OCA2: variants seen among roughly 807,000 people sequenced by gnomAD.
The protein encoded by OCA2 is P protein.
A neutral mutation model predicts 100.2 loss-of-function variants in OCA2; 77 were observed. The ratio of observed to expected loss-of-function variants is 0.77; its 90% CI spans 0.64 to 0.93. The LOEUF (loss-of-function observed/expected upper bound fraction) is 0.93, where lower values mean the gene tolerates loss of function less well. OCA2 is among the 40% of genes least tolerant of loss of function. The pLI is 0.00. For synonymous variants in OCA2, 432 were observed against 439.2 expected, an observed-to-expected ratio of 0.98 and a Z score of 0.21; for missense variants, 1,062 against 1,089.1, an observed-to-expected ratio of 0.98 and a Z score of 0.35.
rs746969709 is a variant in OCA2, at chr15:27,957,609, C to T, written c.1763G>A (p.Arg588Gln). Residue 588 changes from arginine (R) to glutamine (Q), a missense_variant, in exon 16 of 24, where the codon CGG becomes CAG. Coordinates refer to ENST00000354638, the MANE Select transcript of OCA2 (RefSeq NM_000275.3). This position sits in a 1 kb window ranked among gnomAD's most constrained non-coding sequence, Gnocchi z 4.3. ...GTACCTGTGGAAGGTGTGCAGCCTC[C>T]GGGCGAGCAGGTGCTCCAGTGCCAG... ...KVLALEHLLA[R>Q]RLHTFHRQIS... 2.3e-5 allele frequency: 37 copies of T among 1,612,732 alleles called. No homozygotes were observed. The highest frequency in any genetic ancestry group is 3.3e-5 in the Admixed American group (2 of 60,022).
At chr15:27,802,803 A>G (rs74005210) in intron 23 of OCA2, among the ~76,000 whole-genome samples, 4,256 of 152,302 alleles carry the variant, frequency 0.028, 83 homozygotes, top group African/African-American at 0.054. Context: ...TGTAAAACCT[A>G]GAACTCTAAA....
intron 23 of OCA2, among the ~76,000 whole-genome samples, chr15:27,795,438 C>T (rs912186558): frequency 1.3e-5 from 2 of 151,970 alleles, no homozygotes; most frequent in African/African-American, 2.4e-5. Flanking sequence ...GTTTCTCCAC[C>T]CACAAGCTCA....
At chr15:27,778,961 G>C (rs1293396099) in intron 23 of OCA2, among the ~76,000 whole-genome samples, 1 of 152,204 alleles carries the variant, frequency 6.6e-6, no homozygotes, top group Non-Finnish European at 1.5e-5. Context: ...ACCTGGATAT[G>C]GTTAGATAGC....
intron 23 of OCA2, among the ~76,000 whole-genome samples, chr15:27,804,145 GA>G (rs1300228852): frequency 5.3e-5 from 8 of 152,260 alleles, no homozygotes; most frequent in Non-Finnish European, 8.8e-5. Flanking sequence ...AGTAAAGTGA[GA>G]AAAACCACAC....
chr15:27,962,474 G>A (rs2040438655), intron 15 of OCA2, among the ~76,000 whole-genome samples: 1 of 152,242 alleles, frequency 6.6e-6, no homozygotes, highest in Admixed American at 6.5e-5. Flanking sequence ...GACACAGGAG[G>A]TGATGGCTTC....
intron 23 of OCA2, among the ~76,000 whole-genome samples, chr15:27,782,064 C>A (rs1473536291): frequency 6.6e-6 from 1 of 152,136 alleles, no homozygotes; most frequent in African/African-American, 2.4e-5. Flanking sequence ...GAAAATGAAC[C>A]CAATCCTTCT....
chr15:27,915,082 C>T (rs141518604), intron 19 of OCA2, among the ~76,000 whole-genome samples: 56 of 152,134 alleles, frequency 3.7e-4, no homozygotes, highest in African/African-American at 1.3e-3. Context: ...AGATCTTTGA[C>T]AAAATCAACA....
intron 23 of OCA2, among the ~76,000 whole-genome samples, chr15:27,756,571 G>C (rs1485384991): frequency 6.6e-6 from 1 of 152,152 alleles, no homozygotes; most frequent in Non-Finnish European, 1.5e-5. Flanking sequence ...GAAAATAGCT[G>C]AACATGTTTG....
At chr15:28,009,684 T>TCACACA (rs747425942) in intron 9 of OCA2, among the ~76,000 whole-genome samples, 6,163 of 137,954 alleles carry the variant, frequency 0.045, 165 homozygotes, top group Middle Eastern at 0.12. Flanking sequence ...CGAGATTCTG[T>TCACACA]CACACACACA....
At position 28,008,480 on chromosome 15, in the gene OCA2, T is replaced by C. The variant is rs1319204606; in HGVS notation, c.1044+6296A>G. Among the ~76,000 whole-genome samples, 5 of 152,222 alleles carry C rather than the reference T, an allele frequency of 3.3e-5. No homozygotes were observed. In the East Asian group the frequency reaches 5.8e-4, roughly 18 times the overall value. On this transcript the variant is annotated intron_variant, in intron 9 of 23. Coordinates refer to ENST00000354638, the MANE Select transcript of OCA2 (RefSeq NM_000275.3). ...ACTTCCTCCTTCCTTTGTTGTCCTC[T>C]GCCTTTGCCTCTTTTAAAAAGTTCT...
chr15:27,917,504 G>A (rs1042801218), intron 19 of OCA2, among the ~76,000 whole-genome samples: 3 of 152,246 alleles, frequency 2.0e-5, no homozygotes, highest in Admixed American at 6.5e-5. Flanking sequence ...GGACTGGTGC[G>A]CAGATCTCTG....
intron 1 of OCA2, among the ~76,000 whole-genome samples, chr15:28,096,926 G>A (rs1173189527): frequency 3.3e-5 from 5 of 152,012 alleles, no homozygotes; most frequent in Non-Finnish European, 7.4e-5. Flanking sequence ...AGCCGGGCAC[G>A]CGGCCGCCCA....
At chr15:27,810,732 C>T (rs557511933) in intron 23 of OCA2, among the ~76,000 whole-genome samples, 14 of 151,928 alleles carry the variant, frequency 9.2e-5, no homozygotes, top group Admixed American at 6.6e-4. Flanking sequence ...GAGAATTCTC[C>T]GAATAAGATA....
At chr15:27,765,052 A>C (rs917749729) in intron 23 of OCA2, among the ~76,000 whole-genome samples, 2 of 152,080 alleles carry the variant, frequency 1.3e-5, no homozygotes, top group African/African-American at 4.8e-5. Context: ...CCATTTTTAG[A>C]CTGTATAGAC....
At chr15:27,743,454 C>CA in the OCA2 span, among the ~76,000 whole-genome samples, 3 of 152,162 alleles carry the variant, frequency 2.0e-5, no homozygotes. Flanking sequence ...GCTTATTGAA[C>CA]ACCAGGGCAG....
chr15:27,821,181 C>T (rs545961891), intron 23 of OCA2, among the ~76,000 whole-genome samples: 2 of 152,208 alleles, frequency 1.3e-5, no homozygotes, highest in African/African-American at 4.8e-5. Flanking sequence ...CACCAGTTTC[C>T]ATTTGTTTGT....
At chr15:28,041,944 T>C (rs1307757668) in intron 2 of OCA2, among the ~76,000 whole-genome samples, 1 of 152,096 alleles carries the variant, frequency 6.6e-6, no homozygotes, top group African/African-American at 2.4e-5. Flanking sequence ...GAGAGAGGCA[T>C]GCGTACACAT....
At chr15:27,833,877 C>A (rs1288605724) in intron 23 of OCA2, among the ~76,000 whole-genome samples, 1 of 152,206 alleles carries the variant, frequency 6.6e-6, no homozygotes, top group Non-Finnish European at 1.5e-5. Context: ...TCCGTAAACA[C>A]CCCATTGACC....
chr15:28,045,478 A>G (rs2043321537), intron 2 of OCA2, among the ~76,000 whole-genome samples: 1 of 152,162 alleles, frequency 6.6e-6, no homozygotes, highest in African/African-American at 2.4e-5. Context: ...TTCAATTGCC[A>G]ATTACCTTTT....
Sources: gnomAD v4.1 joint callset for allele counts (sites outside exome capture counted in the v4.1 genomes callset) on GRCh38, gnomAD v4.1.1 for gene constraint, Gnocchi (gnomAD v3.1) non-coding constraint, MANE v1.5 for transcripts, NCBI Gene and HGNC (gene_info 2026-07-23, HGNC 2026-07-21) for gene names.